ZBBX: variants seen among roughly 807,000 people sequenced by gnomAD.
The protein encoded by ZBBX is zinc finger B-box domain-containing protein 1.
In ZBBX, 101 loss-of-function variants were observed where a neutral mutation model predicts 108.5. The ratio of observed to expected loss-of-function variants is 0.93; its 90% CI spans 0.79 to 1.10. ZBBX has a LOEUF of 1.10. ZBBX is among the 50% of genes least tolerant of loss of function. The pLI is 0.00. For synonymous variants in ZBBX, 356 were observed against 323.4 expected, an observed-to-expected ratio of 1.10 and a Z score of -1.08; for missense variants, 1,009 against 941.4, an observed-to-expected ratio of 1.07 and a Z score of -0.94.
At chr3:167,316,859 T>C in intron 14 of ZBBX, 146 bp downstream of exon 14, 1 of 483,144 alleles carries the variant, frequency 2.1e-6, no homozygotes, top group Non-Finnish European at 3.6e-6. Context: ...CTTATAAGCA[T>C]ATTTAAACCC....
chr3:167,370,881 A>T (rs1171408659), intron 4 of ZBBX, among the ~76,000 whole-genome samples: 1 of 152,212 alleles, frequency 6.6e-6, no homozygotes, highest in Non-Finnish European at 1.5e-5. Flanking sequence ...GCATCAAACT[A>T]CGTGATTAGA....
chr3:167,234,287 C>T, the ZBBX span, among the ~76,000 whole-genome samples: 1 of 151,764 alleles, frequency 6.6e-6, no homozygotes, highest in Non-Finnish European at 1.5e-5. Flanking sequence ...TTACAAAATA[C>T]CCTAATATTG....
At chr3:167,220,892 A>T in the ZBBX span, among the ~76,000 whole-genome samples, 1 of 152,046 alleles carries the variant, frequency 6.6e-6, no homozygotes, top group Non-Finnish European at 1.5e-5. Flanking sequence ...GTCAACATAC[A>T]AAAATCAATA....
intron 18 of ZBBX, among the ~76,000 whole-genome samples, chr3:167,295,315 A>C (rs1167394870): frequency 6.6e-6 from 1 of 152,180 alleles, no homozygotes; most frequent in African/African-American, 2.4e-5. Context: ...GATAGACTGG[A>C]TAAAGAAAGT....
chr3:167,193,966 A>G, the ZBBX span, among the ~76,000 whole-genome samples: 1 of 152,112 alleles, frequency 6.6e-6, no homozygotes. Context: ...GGTTGCCAGA[A>G]GTTAGAAAGG....
chr3:167,226,679 C>T, the ZBBX span, among the ~76,000 whole-genome samples: 1 of 151,610 alleles, frequency 6.6e-6, no homozygotes, highest in African/African-American at 2.4e-5. Context: ...ATCTGATTAT[C>T]TTTTTCATGT....
At chr3:167,182,220 T>C in the ZBBX span, among the ~76,000 whole-genome samples, 1 of 152,172 alleles carries the variant, frequency 6.6e-6, no homozygotes, top group Admixed American at 6.5e-5. Flanking sequence ...AGTCCTGCTA[T>C]GGCTTGTGCC....
At chr3:167,387,363 T>C (rs1747949849) in intron 1 of ZBBX, among the ~76,000 whole-genome samples, 1 of 152,054 alleles carries the variant, frequency 6.6e-6, no homozygotes. Flanking sequence ...AGAAAAAGGA[T>C]ACTTGCTCAA....
At chr3:167,376,652 T>C (rs529919493) in intron 2 of ZBBX, among the ~76,000 whole-genome samples, 1 of 152,332 alleles carries the variant, frequency 6.6e-6, no homozygotes, top group African/African-American at 2.4e-5. Context: ...TACAATAAGA[T>C]GACTCAGATT....
intron 20 of ZBBX, among the ~76,000 whole-genome samples, chr3:167,245,177 G>A (rs1721339719): frequency 2.6e-5 from 4 of 152,162 alleles, no homozygotes; most frequent in Admixed American, 2.0e-4. Flanking sequence ...ACTTTGGGAG[G>A]CCGAGGCGGG....
At chr3:167,223,977 T>C in the ZBBX span, among the ~76,000 whole-genome samples, 1 of 151,956 alleles carries the variant, frequency 6.6e-6, no homozygotes, top group Admixed American at 6.6e-5. Context: ...ACTGGAGATT[T>C]TAATGCCTGA....
At chr3:167,320,840 G>T (rs1736321713) in intron 12 of ZBBX, among the ~76,000 whole-genome samples, 1 of 151,872 alleles carries the variant, frequency 6.6e-6, no homozygotes, top group South Asian at 2.1e-4. Flanking sequence ...AGCCCAAATT[G>T]AGCACATTCT....
rs1576746896 is a variant in ZBBX at position 167,240,709 on chromosome 3, T to C, written c.*84A>G. On this transcript the variant is annotated 3_prime_UTR_variant, in exon 22 of 22. Coordinates refer to ENST00000675490, the MANE Select transcript of ZBBX (RefSeq NM_001199201.2). ...ATTAGTAATCAAAATCTCCAGCACT[T>C]GGATAGGTAATCACTTGGTTACTTT... 6.7e-7 allele frequency: 1 copy of C among 1,483,380 alleles called. No homozygotes were observed. The highest frequency in any genetic ancestry group is 2.0e-5 in the Admixed American group (1 of 48,820). 91.9% of individuals were successfully genotyped at this position (1,483,380 alleles called of 1,614,324 possible).
chr3:167,282,574 C>T (rs933966239), intron 19 of ZBBX, 79 bp from the exon 20 acceptor site: 5 of 1,228,972 alleles, frequency 4.1e-6, no homozygotes, highest in Admixed American at 4.5e-5. Context: ...ATACCAGGTC[C>T]CTGCACACAG....
At chr3:167,322,544 AAACAC>A (rs1397034195) in intron 11 of ZBBX, among the ~76,000 whole-genome samples, 1 of 152,054 alleles carries the variant, frequency 6.6e-6, no homozygotes, top group African/African-American at 2.4e-5. Flanking sequence ...TACATTGTAT[AAACAC>A]ATACATAAAG....
intron 20 of ZBBX, among the ~76,000 whole-genome samples, chr3:167,273,494 C>T (rs1038110709): frequency 4.6e-5 from 7 of 152,176 alleles, no homozygotes; most frequent in Non-Finnish European, 7.3e-5. Context: ...GGCCATTCAG[C>T]TTCGGTCTTC....
chr3:167,197,282 C>T, the ZBBX span, among the ~76,000 whole-genome samples: 2,031 of 151,210 alleles, frequency 0.013, 22 homozygotes, highest in South Asian at 0.026. Flanking sequence ...CTCACGCCTG[C>T]AATCCCAGCA....
intron 16 of ZBBX, among the ~76,000 whole-genome samples, chr3:167,311,042 C>T (rs1734496210): frequency 6.6e-6 from 1 of 152,042 alleles, no homozygotes; most frequent in Admixed American, 6.6e-5. Context: ...TTGATACTAC[C>T]TTACATCAAG....
At chr3:167,191,934 T>TATATATATA in the ZBBX span, among the ~76,000 whole-genome samples, 1 of 130,224 alleles carries the variant, frequency 7.7e-6, no homozygotes, top group East Asian at 2.3e-4. Context: ...TATATATATA[T>TATATATATA]AGAGCAAGTT....
Sources: gnomAD v4.1 joint callset for allele counts (sites outside exome capture counted in the v4.1 genomes callset) on GRCh38, gnomAD v4.1.1 for gene constraint, MANE v1.5 for transcripts, NCBI Gene and HGNC (gene_info 2026-07-23, HGNC 2026-07-21) for gene names.